Variants in CEP192 observed in about 807,000 individuals in gnomAD.
CEP192 encodes the protein centrosomal protein of 192 kDa.
Under a neutral mutation model 271.8 loss-of-function variants are expected in CEP192, and 151 were observed. That is an observed-to-expected ratio of 0.56 (90% CI 0.49 to 0.64). The LOEUF is 0.64. Among genes scored for constraint, CEP192 ranks in the 30% least tolerant of loss-of-function variants. The probability of loss-of-function intolerance (pLI) is 0.00; values close to 1 mark genes in which losing one functional copy is unlikely to be tolerated. For missense variants in CEP192, 2,910 were observed against 3,020.5 expected (o/e 0.96, Z 0.86); for synonymous variants, 995 against 1,076.5 (o/e 0.92, Z 1.48).
chr18:13,119,411 T>C (rs1267268917), intron 44 of CEP192, among the ~76,000 whole-genome samples: 1 of 152,204 alleles, frequency 6.6e-6, no homozygotes, highest in Admixed American at 6.6e-5. Context: ...GGAGGGACTT[T>C]AGATTTTTAT....
chr18:13,019,041 A>G, intron 8 of CEP192, 41 bp from the exon 9 acceptor site: 1 of 1,491,990 alleles, frequency 6.7e-7, no homozygotes, highest in Non-Finnish European at 9.0e-7. Flanking sequence ...GATTACTCAG[A>G]TTTGATGTGG....
intron 8 of CEP192, among the ~76,000 whole-genome samples, 178 bp from the exon 9 acceptor site, chr18:13,018,901 TATC>T (rs1245313231): frequency 6.6e-6 from 1 of 152,230 alleles, no homozygotes; most frequent in African/African-American, 2.4e-5. Flanking sequence ...GGTAGCAGTT[TATC>T]ATGTTTATTA....
chr18:13,037,742 A>T lies in CEP192; in HGVS notation c.1599+441A>T, dbSNP rs1407005322. On this transcript the variant is annotated intron_variant, in intron 12 of 44. Transcript: ENST00000506447. ...AGCTATTTTTTTATTTTTTGTAGTG[A>T]TGGAGGCTTGTTACGTTGCCTAGAC... Among the ~76,000 whole-genome samples the T allele has an allele frequency of 2.6e-5, 4 of 151,976 alleles. No individual in the cohort carries two copies. The East Asian group carries it at 7.7e-4, about 29-fold the overall frequency.
rs1473256874 is a variant in CEP192 at position 13,068,850 on chromosome 18, A to G, written c.4823-2A>G. ...AAGCTAAAAGAATGAACTTTTTTTT[A>G]GATATTCTGGACTCAGCAGAAGAAT... On this transcript the variant is annotated splice_acceptor_variant, in intron 24 of 44. Transcript: ENST00000506447. LOFTEE classifies it high-confidence loss of function. The G allele has an allele frequency of 6.2e-7, 1 of 1,614,058 alleles. No homozygotes were observed. Among genetic ancestry groups the G allele is most frequent in the Admixed American group, 1.7e-5 (1 of 60,016 alleles).
chr18:13,034,732 T>C (rs1266633858), intron 11 of CEP192, among the ~76,000 whole-genome samples: 1 of 148,406 alleles, frequency 6.7e-6, no homozygotes, highest in Non-Finnish European at 1.5e-5. Flanking sequence ...GGCAGGAGAA[T>C]GGCGTGAACC....
intron 13 of CEP192, among the ~76,000 whole-genome samples, chr18:13,039,181 G>A (rs78182889): frequency 9.2e-5 from 14 of 152,136 alleles, no homozygotes; most frequent in Admixed American, 8.5e-4. Flanking sequence ...CAGGGCCAGC[G>A]CAGTGGCTCA....
At chr18:13,025,131 T>C (rs1010843193) in intron 9 of CEP192, among the ~76,000 whole-genome samples, 1 of 152,200 alleles carries the variant, frequency 6.6e-6, no homozygotes, top group African/African-American at 2.4e-5. Context: ...TGGATTAATG[T>C]CTGCCATGTT....
At position 13,103,600 on chromosome 18, in the gene CEP192, C is replaced by G. The variant is rs1241732989; in HGVS notation, c.6951+12C>G. Reference sequence around the variant, plus strand: ...CACCTTATGTCAAGGTCAGTCATGACTGCCTCAGATATAATCGTTTTAATG... The same window carrying G: ...CACCTTATGTCAAGGTCAGTCATGAGTGCCTCAGATATAATCGTTTTAATG... On this transcript the variant is annotated intron_variant, in intron 39 of 44. Transcript: ENST00000506447. The G allele has an allele frequency of 1.3e-6, 2 of 1,590,698 alleles. No individual in the cohort carries two copies. The highest frequency in any genetic ancestry group is 1.7e-6 in the Non-Finnish European group (2 of 1,158,624).
intron 34 of CEP192, among the ~76,000 whole-genome samples, chr18:13,093,490 G>A (rs769364917): frequency 2.6e-5 from 4 of 152,106 alleles, no homozygotes; most frequent in Admixed American, 6.5e-5. Flanking sequence ...TTCAATTATT[G>A]TATCAGATCC....
rs953741832 is a variant in CEP192 at position 13,061,191 on chromosome 18, C to T, written c.4488+1879C>T. On this transcript the variant is annotated intron_variant, in intron 21 of 44. Coordinates refer to ENST00000506447, the MANE Select transcript of CEP192 (RefSeq NM_032142.4). The stretch of plus-strand genomic sequence containing the variant: ...TATAAAAATTAGCCAGGTGTGGTGG[C>T]GGGCGCCTGTAATCCCAGCTACTCA... Among the ~76,000 whole-genome samples, 4 of 152,062 alleles carry T rather than the reference C, an allele frequency of 2.6e-5. 1 individual carries two copies. The highest frequency in any genetic ancestry group is 2.6e-4 in the Admixed American group (4 of 15,268).
chr18:13,037,396 G>A (rs1263830235), intron 12 of CEP192, 95 bp downstream of exon 12: 2 of 550,904 alleles, frequency 3.6e-6, no homozygotes, highest in Admixed American at 3.6e-5. Flanking sequence ...TATATGGTTA[G>A]TATAGAATTA....
At chr18:13,103,264 A>T (rs1326380682) in intron 38 of CEP192, among the ~76,000 whole-genome samples, 2 of 152,150 alleles carry the variant, frequency 1.3e-5, no homozygotes, top group Non-Finnish European at 2.9e-5. Context: ...AAAAATGTAA[A>T]TCATCTTATT....
intron 30 of CEP192, among the ~76,000 whole-genome samples, chr18:13,074,736 A>T (rs2038182978): frequency 6.6e-6 from 1 of 152,208 alleles, no homozygotes. Flanking sequence ...AAGAAGACTC[A>T]GAGTATTAAC....
rs1047758815 is a variant in CEP192 at position 13,001,506 on chromosome 18, C to G, written c.214C>G (p.Pro72Ala). 56 of 1,549,700 alleles carry G rather than the reference C, an allele frequency of 3.6e-5. No homozygotes were observed. The African/African-American group carries it at 7.4e-4, about 20-fold the overall frequency. Residue 72 changes from proline (P) to alanine (A), a missense_variant, in exon 3 of 45, where the codon CCA becomes GCA. Coordinates refer to ENST00000506447, the MANE Select transcript of CEP192 (RefSeq NM_032142.4). ...SYLVEGRFSVPSGSSPGSQSD... is the reference protein window; with the variant it reads ...SYLVEGRFSVASGSSPGSQSD... ...CTTAGTAGAAGGGAGATTTTCAGTT[C>G]CATCCGGGTCATCTCCCGGAAGCCA...
At chr18:13,048,032 T>A (rs1021601376) in intron 15 of CEP192, among the ~76,000 whole-genome samples, 4 of 152,192 alleles carry the variant, frequency 2.6e-5, no homozygotes, top group African/African-American at 9.7e-5. Flanking sequence ...ATTTAACTGG[T>A]ATGCCCTTAA....
chr18:13,038,288 G>T, intron 12 of CEP192, 82 bp from the exon 13 acceptor site: 2 of 1,132,646 alleles, frequency 1.8e-6, no homozygotes, highest in South Asian at 1.5e-5. Flanking sequence ...TTCTTGGTAA[G>T]ACTTTTTTAG....
chr18:13,048,442 A>G (rs976583982), intron 15 of CEP192, among the ~76,000 whole-genome samples: 1 of 152,244 alleles, frequency 6.6e-6, no homozygotes, highest in African/African-American at 2.4e-5. Flanking sequence ...TGCAATTTGG[A>G]TACACCAGAG....
intron 21 of CEP192, among the ~76,000 whole-genome samples, chr18:13,060,093 C>CTGTGAA (rs2037328933): frequency 6.6e-6 from 1 of 152,212 alleles, no homozygotes; most frequent in Admixed American, 6.5e-5. Context: ...GGGATATGCC[C>CTGTGAA]TGAGAAATGT....
chr18:13,008,266 TGTTG>T (rs1255810764), intron 3 of CEP192, among the ~76,000 whole-genome samples, 186 bp from the exon 4 acceptor site: 1 of 152,162 alleles, frequency 6.6e-6, no homozygotes, highest in Admixed American at 6.5e-5. Context: ...GGACCCAAAA[TGTTG>T]GTTCAGTCCC....
Sources: gnomAD v4.1 joint callset for allele counts (sites outside exome capture counted in the v4.1 genomes callset) on GRCh38, gnomAD v4.1.1 for gene constraint, MANE v1.5 for transcripts, NCBI Gene and HGNC (gene_info 2026-07-23, HGNC 2026-07-21) for gene names.